Variants in NRG3 observed in about 807,000 individuals in gnomAD.
NRG3 encodes neuregulin 3.
Under a neutral mutation model 66.9 loss-of-function variants are expected in NRG3, and 31 were observed. The observed-to-expected ratio is 0.46, with a 90% CI of 0.35 to 0.63. The LOEUF is 0.63. Ranked by LOEUF, NRG3 falls within the 20% of genes least tolerant of loss-of-function variation. The pLI, the probability that NRG3 is intolerant of heterozygous loss-of-function variation, is 0.00. For missense variants in NRG3, 910 were observed against 878.9 expected (o/e 1.04, Z -0.45); for synonymous variants, 393 against 359.4 (o/e 1.09, Z -1.06).
intron 3 of NRG3, among the ~76,000 whole-genome samples, chr10:82,770,025 A>T (rs978067213): frequency 2.6e-5 from 4 of 152,118 alleles, no homozygotes; most frequent in African/African-American, 9.7e-5. Context: ...TTCTGTACTT[A>T]GTGTGGGATA....
intron 3 of NRG3, among the ~76,000 whole-genome samples, chr10:82,854,395 C>T (rs1020028835): frequency 1.3e-5 from 2 of 151,994 alleles, no homozygotes; most frequent in Non-Finnish European, 2.9e-5. Flanking sequence ...GGTTCTATTT[C>T]GGGGAGTGTG....
intron 1 of NRG3, among the ~76,000 whole-genome samples, chr10:81,948,739 A>G (rs146667407): frequency 1.9e-4 from 29 of 152,350 alleles, no homozygotes; most frequent in African/African-American, 7.0e-4. Context: ...AGGGCAACCT[A>G]TAGGCCCATC....
intron 1 of NRG3, chr10:82,229,035 T>C (rs979107567): frequency 3.3e-5 from 5 of 152,196 alleles, no homozygotes; most frequent in Admixed American, 2.0e-4. Context: ...AAGGCTAAAC[T>C]AGATATAGGA....
At chr10:82,931,371 T>C (rs1847561413) in intron 4 of NRG3, among the ~76,000 whole-genome samples, 1 of 152,214 alleles carries the variant, frequency 6.6e-6, no homozygotes, top group African/African-American at 2.4e-5. Context: ...TGCTTGAACT[T>C]TGGAGCCAGA....
intron 2 of NRG3, among the ~76,000 whole-genome samples, chr10:82,599,580 C>T (rs1167603497): frequency 1.3e-5 from 2 of 152,050 alleles, no homozygotes; most frequent in South Asian, 2.1e-4. Context: ...TTTGGGAGAC[C>T]GAGGCAAGTG....
At chr10:82,118,048 G>A (rs553416283) in intron 1 of NRG3, among the ~76,000 whole-genome samples, 11 of 152,052 alleles carry the variant, frequency 7.2e-5, no homozygotes, top group African/African-American at 2.4e-4. Flanking sequence ...AAGCATGCTC[G>A]CTATTATTAC....
At chr10:82,538,735 T>C (rs1166106050) in intron 2 of NRG3, among the ~76,000 whole-genome samples, 1 of 152,158 alleles carries the variant, frequency 6.6e-6, no homozygotes, top group African/African-American at 2.4e-5. Context: ...AAGGTTCTGC[T>C]AACAGAAATA....
At chr10:82,898,831 T>C (rs10885473) in intron 4 of NRG3, among the ~76,000 whole-genome samples, 44,901 of 150,194 alleles carry the variant, frequency 0.3, 7,124 homozygotes, top group East Asian at 0.58. Flanking sequence ...ACGCCATTTT[T>C]CTGCCTCAGC....
chr10:82,049,172 A>G (rs1200661875), intron 1 of NRG3, among the ~76,000 whole-genome samples: 1 of 152,072 alleles, frequency 6.6e-6, no homozygotes, highest in Non-Finnish European at 1.5e-5. Context: ...TTTATGATAT[A>G]CTTAGGTCTT....
intron 1 of NRG3, among the ~76,000 whole-genome samples, chr10:81,980,338 T>C (rs1034770750): frequency 3.3e-5 from 5 of 152,200 alleles, no homozygotes; most frequent in African/African-American, 1.2e-4. Flanking sequence ...AACAGTCGTC[T>C]TGTCAGTTAA....
intron 3 of NRG3, among the ~76,000 whole-genome samples, chr10:82,742,615 C>G (rs1360834569): frequency 1.3e-5 from 2 of 152,086 alleles, no homozygotes; most frequent in Admixed American, 1.3e-4. Flanking sequence ...GTGAGTGACT[C>G]AGACTTTGGT....
At chr10:82,838,481 G>T (rs1289625949) in intron 3 of NRG3, among the ~76,000 whole-genome samples, 1 of 152,010 alleles carries the variant, frequency 6.6e-6, no homozygotes, top group Admixed American at 6.6e-5. Flanking sequence ...TAAAAGTAAG[G>T]AATATTCTTT....
intron 1 of NRG3, among the ~76,000 whole-genome samples, chr10:82,098,863 A>G (rs1326461911): frequency 6.6e-6 from 1 of 152,140 alleles, no homozygotes; most frequent in Non-Finnish European, 1.5e-5. Flanking sequence ...TCCTGGGTTC[A>G]CACCATTCTC....
intron 1 of NRG3, among the ~76,000 whole-genome samples, chr10:82,079,405 A>G (rs2065268215): frequency 6.6e-6 from 1 of 152,190 alleles, no homozygotes; most frequent in South Asian, 2.1e-4. Flanking sequence ...GAGATTTCCC[A>G]TATACCTACT....
At chr10:82,015,706 G>T (rs569549468) in intron 1 of NRG3, among the ~76,000 whole-genome samples, 1 of 151,628 alleles carries the variant, frequency 6.6e-6, no homozygotes, top group Admixed American at 6.6e-5. Context: ...ACCGCATCTC[G>T]GGCAGTTCTT....
intron 4 of NRG3, among the ~76,000 whole-genome samples, chr10:82,936,503 G>A (rs965044009): frequency 2.0e-5 from 3 of 152,140 alleles, no homozygotes; most frequent in African/African-American, 7.2e-5. Flanking sequence ...CATATCTGCA[G>A]TTGGATAGAA....
intron 3 of NRG3, among the ~76,000 whole-genome samples, chr10:82,814,895 C>G (rs2135530040): frequency 6.6e-6 from 1 of 152,250 alleles, no homozygotes; most frequent in South Asian, 2.1e-4. Context: ...TGTTGTGCCA[C>G]CTGAGACTGT....
At chr10:82,419,551 A>G (rs1449422188) in intron 2 of NRG3, among the ~76,000 whole-genome samples, 1 of 152,172 alleles carries the variant, frequency 6.6e-6, no homozygotes, top group Non-Finnish European at 1.5e-5. Context: ...CCGCCCAAAA[A>G]GTGATTAGCG....
At chr10:82,261,578 A>G (rs897556789) in intron 1 of NRG3, among the ~76,000 whole-genome samples, 10 of 152,172 alleles carry the variant, frequency 6.6e-5, no homozygotes. Context: ...CAGAGCTGAG[A>G]GCCCCAAAGA....
Sources: allele counts gnomAD v4.1 joint callset (sites outside exome capture counted in the v4.1 genomes callset), GRCh38; gene constraint gnomAD v4.1.1; transcripts MANE v1.5; gene names NCBI Gene and HGNC (gene_info 2026-07-23, HGNC 2026-07-21).